Variants in IL1RAPL1 observed in about 807,000 individuals in gnomAD.
IL1RAPL1 encodes interleukin 1 receptor accessory protein like 1, also known as interleukin-1 receptor accessory protein-like 1.
Under a neutral mutation model 48.4 loss-of-function variants are expected in IL1RAPL1, and 3 were observed. The observed-to-expected ratio is 0.06, with a 90% CI of 0.03 to 0.16. IL1RAPL1 has a LOEUF of 0.16. IL1RAPL1 is among the 10% of genes least tolerant of loss of function. The pLI is 1.00. For missense variants in IL1RAPL1, 349 were observed against 530.6 expected, an observed-to-expected ratio of 0.66 and a Z score of 3.36; for synonymous variants, 185 against 187.7, an observed-to-expected ratio of 0.99 and a Z score of 0.12.
chrX:29,726,225 A>C (rs1927771938), intron 6 of IL1RAPL1, among the ~76,000 whole-genome samples: 1 of 112,257 alleles, frequency 8.9e-6, no homozygotes, highest in South Asian at 3.7e-4. Flanking sequence ...TTTTTGTCTA[A>C]TTTATTTTTC....
intron 1 of IL1RAPL1, among the ~76,000 whole-genome samples, chrX:28,747,023 A>T (rs1475774641): frequency 9.0e-6 from 1 of 110,821 alleles, no homozygotes; most frequent in Non-Finnish European, 1.9e-5. Context: ...TATATTCTAT[A>T]TACATTTTCT....
chrX:29,438,677 G>A (rs992489860), intron 5 of IL1RAPL1, among the ~76,000 whole-genome samples: 1 of 111,145 alleles, frequency 9.0e-6, no homozygotes, highest in South Asian at 3.7e-4. Flanking sequence ...AATGTTTGGA[G>A]ATTTTCCTGT....
At chrX:28,925,137 A>T (rs1351172133) in intron 2 of IL1RAPL1, among the ~76,000 whole-genome samples, 1 of 112,010 alleles carries the variant, frequency 8.9e-6, no homozygotes, top group African/African-American at 3.2e-5. Context: ...ACCTAATGCT[A>T]GAATTTTTAT....
chrX:28,818,334 T>G (rs1255903713), intron 2 of IL1RAPL1, among the ~76,000 whole-genome samples: 1 of 110,542 alleles, frequency 9.0e-6, no homozygotes, highest in Non-Finnish European at 1.9e-5. Context: ...AGAGATGAAA[T>G]GGTAGGTGAC....
intron 1 of IL1RAPL1, among the ~76,000 whole-genome samples, chrX:28,700,023 C>G (rs183655643): frequency 9.1e-4 from 101 of 110,942 alleles, no homozygotes; most frequent in African/African-American, 3.1e-3. Context: ...GGCTATAATA[C>G]CCCACAGAGA....
At chrX:29,550,351 C>T (rs1326485044) in intron 5 of IL1RAPL1, among the ~76,000 whole-genome samples, 1 of 110,618 alleles carries the variant, frequency 9.0e-6, no homozygotes, top group African/African-American at 3.3e-5. Flanking sequence ...GCCACCACGC[C>T]CGGCTAATTC....
chrX:29,291,465 TTACATAGGTATACATGTGCCATGGTGG>T (rs2038726370), intron 3 of IL1RAPL1, among the ~76,000 whole-genome samples: 1 of 111,424 alleles, frequency 9.0e-6, no homozygotes, highest in African/African-American at 3.3e-5. Context: ...TGCAGGTTTG[TTACATAGGTATACATGTGCCATGGTGG>T]TTTGCTGCAC....
chrX:28,969,910 TATATATGTTTCTAAACAC>T (rs1925020253), intron 2 of IL1RAPL1, among the ~76,000 whole-genome samples: 1 of 109,154 alleles, frequency 9.2e-6, no homozygotes, highest in Non-Finnish European at 1.9e-5. Context: ...TAAACACACA[TATATATGTTTCTAAACAC>T]ATATATATGT....
intron 5 of IL1RAPL1, among the ~76,000 whole-genome samples, chrX:29,609,515 C>T (rs150137061): frequency 1.1e-4 from 12 of 111,862 alleles, no homozygotes; most frequent in African/African-American, 3.6e-4. Flanking sequence ...TGTGTCTTGG[C>T]TCAAGTACCA....
chrX:29,897,535 A>G (rs939746679), intron 6 of IL1RAPL1, among the ~76,000 whole-genome samples: 2 of 112,154 alleles, frequency 1.8e-5, no homozygotes, highest in African/African-American at 6.5e-5. Context: ...TTATCCAGCA[A>G]GTGACAGGAC....
chrX:29,908,729 AAT>A (rs1326294382), intron 6 of IL1RAPL1, among the ~76,000 whole-genome samples: 2 of 112,432 alleles, frequency 1.8e-5, no homozygotes, highest in Non-Finnish European at 3.8e-5. Context: ...AAGTGATTAC[AAT>A]ATATGTCTTA....
intron 2 of IL1RAPL1, among the ~76,000 whole-genome samples, chrX:29,240,489 C>T (rs928894032): frequency 9.2e-6 from 1 of 108,509 alleles, no homozygotes; most frequent in African/African-American, 3.4e-5. Context: ...CCCTTCTCGG[C>T]CTCCCAAAGT....
At chrX:28,640,876 T>C in intron 1 of IL1RAPL1, among the ~76,000 whole-genome samples, 1 of 110,973 alleles carries the variant, frequency 9.0e-6, no homozygotes, top group Non-Finnish European at 1.9e-5. Context: ...GTATTACTTA[T>C]CTATGCTGCA....
At chrX:29,122,447 A>T (rs867637982) in intron 2 of IL1RAPL1, among the ~76,000 whole-genome samples, 2 of 69,176 alleles carry the variant, frequency 2.9e-5, no homozygotes, top group African/African-American at 6.1e-5. Flanking sequence ...ACACACACAC[A>T]CTCGCCCCCC....
At chrX:28,822,846 G>T (rs1223133341) in intron 2 of IL1RAPL1, among the ~76,000 whole-genome samples, 1 of 111,784 alleles carries the variant, frequency 8.9e-6, no homozygotes, top group Non-Finnish European at 1.9e-5. Context: ...TCAGGACCCT[G>T]CATCTTGGTC....
chrX:29,859,045 C>T (rs934347800), intron 6 of IL1RAPL1, among the ~76,000 whole-genome samples: 2 of 111,843 alleles, frequency 1.8e-5, no homozygotes, highest in African/African-American at 3.2e-5. Context: ...TACATCTGTA[C>T]TTCTCTAATC....
chrX:29,953,552 C>T (rs1213291796), intron 9 of IL1RAPL1, among the ~76,000 whole-genome samples: 2 of 111,906 alleles, frequency 1.8e-5, no homozygotes, highest in Non-Finnish European at 3.8e-5. Context: ...TTACATTCTA[C>T]TTCTTGATTC....
chrX:29,614,571 A>G (rs1238604816), intron 5 of IL1RAPL1, among the ~76,000 whole-genome samples: 2 of 111,916 alleles, frequency 1.8e-5, no homozygotes, highest in Non-Finnish European at 3.8e-5. Flanking sequence ...CTTTAGTTAA[A>G]AAAAGTCCAA....
intron 5 of IL1RAPL1, among the ~76,000 whole-genome samples, chrX:29,456,077 T>C (rs1342815015): frequency 1.8e-5 from 2 of 111,097 alleles, no homozygotes; most frequent in African/African-American, 6.5e-5. Context: ...AAAAAACTGA[T>C]ATGAAATTTC....
Sources: allele counts gnomAD v4.1 joint callset (sites outside exome capture counted in the v4.1 genomes callset), GRCh38; gene constraint gnomAD v4.1.1; transcripts MANE v1.5; gene names NCBI Gene and HGNC (gene_info 2026-07-23, HGNC 2026-07-21).